AGR3: variants seen among roughly 807,000 people sequenced by gnomAD.
AGR3 encodes anterior gradient protein 3.
A neutral mutation model predicts 24.5 loss-of-function variants in AGR3; 37 were observed. The ratio of observed to expected loss-of-function variants is 1.51; its 90% CI spans 1.16 to 1.99. AGR3 has a LOEUF of 1.99. Among genes scored for constraint, AGR3 ranks in the 30% most tolerant of loss-of-function variants. AGR3 has a pLI of 0.00. For synonymous variants in AGR3, 75 were observed against 61.6 expected (o/e 1.22, Z -1.02); for missense variants, 228 against 191.1 (o/e 1.19, Z -1.14).
At chr7:16,859,230 T>TTA (rs1781594530), downstream of AGR3, among the ~76,000 whole-genome samples, 19 of 84,854 alleles carry the variant, frequency 2.2e-4, no homozygotes, top group African/African-American at 7.0e-4. Context: ...AGACTGCATC[T>TTA]CAAAAAAAAA....
intron 3 of AGR3, chr7:16,866,233 AATCATTGAAT>A (rs1781755732): frequency 1.9e-6 from 1 of 522,328 alleles, no homozygotes; most frequent in Non-Finnish European, 3.9e-6. Context: ...TACTCTAGAA[AATCATTGAAT>A]GATGGGTCAA....
At chr7:16,862,517 G>T in intron 4 of AGR3, 93 bp downstream of exon 4, 1 of 709,956 alleles carries the variant, frequency 1.4e-6, no homozygotes, top group Non-Finnish European at 2.1e-6. Context: ...GGGATTTGCT[G>T]AGCGCCTTCT....
At chr7:16,864,311 C>A in intron 3 of AGR3, 4 of 1,358,752 alleles carry the variant, frequency 2.9e-6, no homozygotes, top group Non-Finnish European at 4.2e-6. Context: ...TTTTCTTCCA[C>A]GTCTCCTTGG....
downstream of AGR3, among the ~76,000 whole-genome samples, chr7:16,856,217 A>C (rs1368885169): frequency 6.6e-6 from 1 of 152,250 alleles, no homozygotes; most frequent in East Asian, 1.9e-4. Flanking sequence ...TGGCAGAGTG[A>C]AAATTAATCA....
chr7:16,880,913 G>A (rs1263274530), intron 1 of AGR3, among the ~76,000 whole-genome samples: 2 of 152,086 alleles, frequency 1.3e-5, no homozygotes, highest in African/African-American at 4.8e-5. Context: ...CCTGGATCCA[G>A]CAGGCTTCTA....
intron 5 of AGR3, 31 bp downstream of exon 5, chr7:16,861,953 G>A (rs1468999526): frequency 5.1e-6 from 7 of 1,367,840 alleles, no homozygotes; most frequent in South Asian, 1.3e-5. Context: ...TGAAATTATA[G>A]TATTAAGAAA....
chr7:16,854,716 G>A (rs187407735), downstream of AGR3, among the ~76,000 whole-genome samples: 1 of 152,298 alleles, frequency 6.6e-6, no homozygotes, highest in Non-Finnish European at 1.5e-5. Flanking sequence ...TCACAGATCT[G>A]GAGGGTAGAG....
chr7:16,873,209 A>T (rs1781918301), intron 3 of AGR3, among the ~76,000 whole-genome samples: 1 of 152,176 alleles, frequency 6.6e-6, no homozygotes, highest in Non-Finnish European at 1.5e-5. Context: ...CCATCAATGG[A>T]TGGATGGATA....
At chr7:16,865,364 A>G in intron 3 of AGR3, 2 of 1,148,920 alleles carry the variant, frequency 1.7e-6, no homozygotes, top group Middle Eastern at 2.8e-4. Context: ...TGTCAGGGAC[A>G]GTAATTTTTC....
At chr7:16,862,286 A>T (rs923310498) in intron 4 of AGR3, among the ~76,000 whole-genome samples, 24 of 152,218 alleles carry the variant, frequency 1.6e-4, no homozygotes, top group Non-Finnish European at 3.4e-4. Flanking sequence ...ACTAGTTTTT[A>T]TAATTTTATG....
chr7:16,875,827 C>A (rs1393696993), intron 2 of AGR3, among the ~76,000 whole-genome samples: 1 of 152,130 alleles, frequency 6.6e-6, no homozygotes, highest in African/African-American at 2.4e-5. Context: ...AACTCTTGCT[C>A]TCTGTAATAA....
At chr7:16,856,321 A>C (rs181905604), downstream of AGR3, among the ~76,000 whole-genome samples, 258 of 152,328 alleles carry the variant, frequency 1.7e-3, 1 homozygote, top group African/African-American at 6.0e-3. Context: ...AAATGTTGCT[A>C]TTTTAGGAAA....
chr7:16,874,808 A>C (rs1168908219), intron 2 of AGR3, among the ~76,000 whole-genome samples: 2 of 152,002 alleles, frequency 1.3e-5, no homozygotes, highest in East Asian at 1.9e-4. Context: ...CGCCAATACA[A>C]CTCACCTATT....
chr7:16,869,108 G>T (rs1347293557), intron 3 of AGR3, among the ~76,000 whole-genome samples: 1 of 152,042 alleles, frequency 6.6e-6, no homozygotes, highest in Non-Finnish European at 1.5e-5. Context: ...TTGACTTTTT[G>T]GATGATCTAT....
At chr7:16,863,243 A>G (rs1411898222) in intron 3 of AGR3, among the ~76,000 whole-genome samples, 1 of 152,258 alleles carries the variant, frequency 6.6e-6, no homozygotes, top group Non-Finnish European at 1.5e-5. Flanking sequence ...ATAAAGGGTT[A>G]TTATGAACAA....
At chr7:16,875,332 A>G (rs1354552353) in intron 2 of AGR3, among the ~76,000 whole-genome samples, 1 of 152,138 alleles carries the variant, frequency 6.6e-6, no homozygotes, top group Non-Finnish European at 1.5e-5. Flanking sequence ...CTTATGCTGG[A>G]CATTTCATAT....
At chr7:16,866,089 G>A (rs1037126600) in intron 3 of AGR3, 5 of 590,192 alleles carry the variant, frequency 8.5e-6, no homozygotes, top group Non-Finnish European at 1.6e-5. Context: ...CCATATATCT[G>A]TTCTAAGGAA....
intron 1 of AGR3, among the ~76,000 whole-genome samples, chr7:16,880,248 C>T (rs1410515240): frequency 1.3e-5 from 2 of 150,846 alleles, no homozygotes; most frequent in Admixed American, 6.6e-5. Context: ...GCAACCTCCG[C>T]CTCCCAGGTT....
Position 16,862,006 on chromosome 7 carries a change from T to A in AGR3, c.281A>T (p.Lys94Met). 1 of 1,613,366 alleles carries A rather than the reference T, an allele frequency of 6.2e-7. No individual in the cohort carries two copies. Among genetic ancestry groups the A allele is most frequent in the Non-Finnish European group, 8.5e-7 (1 of 1,179,490 alleles). Residue 94 changes from lysine to methionine, a missense_variant, in exon 5 of 8, where the codon AAG becomes ATG. Transcript: ENST00000310398. ...NEEIQEMAQNKFIMLNLMHET... is the reference protein window; with the variant it reads ...NEEIQEMAQNMFIMLNLMHET... Reference sequence around the variant, plus strand: ...TACCATAAGGTTTAGCATGATGAACTTATTCTGAGCCATTTCTTGTATTTC... The same window carrying A: ...TACCATAAGGTTTAGCATGATGAACATATTCTGAGCCATTTCTTGTATTTC...
Sources: gnomAD v4.1 joint callset for allele counts (sites outside exome capture counted in the v4.1 genomes callset) on GRCh38, gnomAD v4.1.1 for gene constraint, MANE v1.5 for transcripts, NCBI Gene and HGNC (gene_info 2026-07-23, HGNC 2026-07-21) for gene names.